Variants in TDRP observed in about 807,000 individuals in gnomAD.
TDRP encodes testis development-related protein.
A neutral mutation model predicts 10.5 loss-of-function variants in TDRP; 12 were observed. The ratio of observed to expected loss-of-function variants is 1.15; its 90% CI spans 0.73 to 1.86. The LOEUF (loss-of-function observed/expected upper bound fraction) is 1.86, where lower values mean the gene tolerates loss of function less well. Among genes scored for constraint, TDRP ranks in the 40% most tolerant of loss-of-function variants. TDRP has a pLI of 0.00. For synonymous variants in TDRP, 139 were observed against 95.4 expected (o/e 1.46, Z -2.67); for missense variants, 353 against 229.2 (o/e 1.54, Z -3.49).
chr8:518,781 G>T (rs201430905), intron 1 of TDRP, among the ~76,000 whole-genome samples: 1 of 151,756 alleles, frequency 6.6e-6, no homozygotes, highest in Non-Finnish European at 1.5e-5. Flanking sequence ...AGCTTAAAAG[G>T]TCATTTACAT....
At position 544,683 on chromosome 8, in the gene TDRP, C is replaced by A; in HGVS notation, c.75G>T (p.Pro25=). Residue 25 remains proline (P), a synonymous_variant, in exon 1 of 3, where the codon CCG becomes CCT. Transcript: ENST00000324079. ...PEEEDGLRGG[P]PPAAAAAAQA... is the part of the protein sequence containing the mutation. ...GGGCGGCGGCGGCGGCGGCCGGTGG[C>A]GGCCCCCCACGCAGGCCGTCCTCCT... 1.6e-6 allele frequency: 2 copies of A among 1,244,804 alleles called. No individual in the cohort carries two copies. The highest frequency in any genetic ancestry group is 4.2e-5 in the Admixed American group (1 of 23,770). 77.1% of individuals were successfully genotyped at this position (1,244,804 alleles called of 1,614,324 possible). A position where few individuals can be genotyped will look rare whatever the true frequency, so the allele number is the denominator to read the frequency against.
chr8:544,793 T>G lies in TDRP; in HGVS notation c.-36A>C, dbSNP rs949339735. On this transcript the variant is annotated 5_prime_UTR_variant, in exon 1 of 3. Transcript: ENST00000324079. ...GCTCCGGCGTCCCTCCGTCCGTGCG[T>G]CGGGCTGTGGCTCCGCGTCCCTCCC... 1.1e-5 allele frequency: 13 copies of G among 1,217,088 alleles called. No homozygotes were observed. The highest frequency in any genetic ancestry group is 1.3e-5 in the Non-Finnish European group (13 of 974,484). The allele number at this position is 1,217,088 out of a possible 1,614,324, so 75.4% of individuals were successfully genotyped here. A position where few individuals can be genotyped will look rare whatever the true frequency, so the allele number is the denominator to read the frequency against.
At chr8:494,150 A>G (rs945846550) in intron 2 of TDRP, among the ~76,000 whole-genome samples, 7 of 150,310 alleles carry the variant, frequency 4.7e-5, no homozygotes, top group African/African-American at 1.5e-4. Context: ...TTTAGTATAG[A>G]CGGGGTTTCA....
At chr8:518,444 G>A in intron 1 of TDRP, among the ~76,000 whole-genome samples, 1 of 152,062 alleles carries the variant, frequency 6.6e-6, no homozygotes, top group East Asian at 1.9e-4. Context: ...GACAACTGTA[G>A]AAATGGAATA....
intron 1 of TDRP, among the ~76,000 whole-genome samples, chr8:519,062 G>T (rs1316618158): frequency 8.3e-6 from 1 of 120,782 alleles, no homozygotes. Context: ...CTCCTCCTCT[G>T]ACCTCCAAAG....
chr8:504,958 GA>G (rs1563119726), intron 1 of TDRP, among the ~76,000 whole-genome samples: 1 of 152,118 alleles, frequency 6.6e-6, no homozygotes, highest in Non-Finnish European at 1.5e-5. Context: ...GGGGAACAGG[GA>G]AAGGGAACTT....
intron 1 of TDRP, among the ~76,000 whole-genome samples, chr8:520,866 ATATT>A (rs1415040791): frequency 6.6e-6 from 1 of 152,114 alleles, no homozygotes; most frequent in Non-Finnish European, 1.5e-5. Context: ...TGGCTGAGAA[ATATT>A]TATCCCATTC....
intron 1 of TDRP, among the ~76,000 whole-genome samples, chr8:530,269 C>T (rs1584879812): frequency 6.6e-6 from 1 of 152,260 alleles, no homozygotes; most frequent in East Asian, 1.9e-4. Context: ...TTGACTATCT[C>T]TGTTCTCTCA....
At chr8:493,335 C>A (rs1487910887) in intron 2 of TDRP, among the ~76,000 whole-genome samples, 2 of 152,362 alleles carry the variant, frequency 1.3e-5, no homozygotes, top group African/African-American at 2.4e-5. Flanking sequence ...AGTGCCCAGG[C>A]CCTCTCCTTC....
chr8:498,767 C>T (rs1286721580), intron 1 of TDRP, among the ~76,000 whole-genome samples: 1 of 152,132 alleles, frequency 6.6e-6, no homozygotes, highest in African/African-American at 2.4e-5. Flanking sequence ...CCCCACATGT[C>T]AGGGAAGGGA....
intron 1 of TDRP, among the ~76,000 whole-genome samples, chr8:544,021 A>G (rs1306692350): frequency 1.3e-5 from 2 of 152,076 alleles, no homozygotes; most frequent in Non-Finnish European, 2.9e-5. Context: ...TACCAAACAT[A>G]TCTCTACACT....
intron 1 of TDRP, among the ~76,000 whole-genome samples, chr8:509,544 G>C (rs1241205966): frequency 1.3e-5 from 2 of 152,182 alleles, no homozygotes; most frequent in Non-Finnish European, 2.9e-5. Context: ...TTTCCCCATG[G>C]CTGGAGCGGC....
At chr8:530,902 T>C (rs965556777) in intron 1 of TDRP, among the ~76,000 whole-genome samples, 2 of 152,168 alleles carry the variant, frequency 1.3e-5, no homozygotes, top group African/African-American at 4.8e-5. Flanking sequence ...TGCTGAGCTG[T>C]CCCGACCTCC....
chr8:540,940 G>T (rs144658069), intron 1 of TDRP, among the ~76,000 whole-genome samples: 7 of 152,162 alleles, frequency 4.6e-5, no homozygotes, highest in African/African-American at 1.7e-4. Flanking sequence ...ACATCACACT[G>T]ACTGACAGAT....
intron 1 of TDRP, among the ~76,000 whole-genome samples, chr8:516,650 G>T (rs904255514): frequency 1.6e-4 from 25 of 152,154 alleles, no homozygotes; most frequent in African/African-American, 6.0e-4. Context: ...CTCGTTCACT[G>T]CTGGTGGGAA....
chr8:492,215 C>T lies in TDRP; in HGVS notation c.*184G>A. ...AAGGCAATCAAATGTACAATCCCTG[C>T]ACGTGTTCACCAAGGAGTCACAGTG... On this transcript the variant is annotated 3_prime_UTR_variant, in exon 3 of 3. Transcript: ENST00000324079. 7.8e-7 allele frequency: 1 copy of T among 1,282,788 alleles called. No individual in the cohort carries two copies. The highest frequency in any genetic ancestry group is 9.8e-7 in the Non-Finnish European group (1 of 1,018,720). The allele number at this position is 1,282,788 out of a possible 1,614,324, so 79.5% of individuals were successfully genotyped here. A position where few individuals can be genotyped will look rare whatever the true frequency, so the allele number is the denominator to read the frequency against.
Position 491,659 on chromosome 8 carries a change from T to A in TDRP, c.*740A>T, listed in dbSNP as rs1411722568. ...TTATCAACTGACTAAAATTGATCCA[T>A]ACTTCTTTAATCTGTAAACAAAAAA... On this transcript the variant is annotated 3_prime_UTR_variant, in exon 3 of 3. Coordinates refer to ENST00000324079, the MANE Select transcript of TDRP (RefSeq NM_001384899.1). 2 of 1,527,962 alleles carry A rather than the reference T, an allele frequency of 1.3e-6. No individual in the cohort carries two copies. The highest frequency in any genetic ancestry group is 2.8e-5 in the African/African-American group (2 of 72,674). The allele number at this position is 1,527,962 out of a possible 1,614,324, so 94.7% of individuals were successfully genotyped here.
At chr8:498,981 G>C (rs1463105821) in intron 1 of TDRP, among the ~76,000 whole-genome samples, 1 of 152,154 alleles carries the variant, frequency 6.6e-6, no homozygotes, top group East Asian at 1.9e-4. Context: ...CCAGCCACAT[G>C]GAACTGTGAG....
intron 1 of TDRP, among the ~76,000 whole-genome samples, chr8:530,789 T>C (rs886461603): frequency 6.6e-6 from 1 of 152,130 alleles, no homozygotes; most frequent in Non-Finnish European, 1.5e-5. Context: ...GGAATCAGTC[T>C]CTTGGGCAGT....
Sources: gnomAD v4.1 joint callset for allele counts (sites outside exome capture counted in the v4.1 genomes callset) on GRCh38, gnomAD v4.1.1 for gene constraint, MANE v1.5 for transcripts, NCBI Gene and HGNC (gene_info 2026-07-23, HGNC 2026-07-21) for gene names.